The following LIMCH1 variants were observed in gnomAD, a reference collection of about 807,000 sequenced individuals.
LIMCH1 encodes the protein LIM and calponin homology domains-containing protein 1.
LIMCH1 carries 113 observed loss-of-function variants against 176.5 expected under a neutral mutation model. That is an observed-to-expected ratio of 0.64 (90% CI 0.55 to 0.75). LIMCH1 has a LOEUF of 0.75. Among genes scored for constraint, LIMCH1 ranks in the 30% least tolerant of loss-of-function variants. The probability of loss-of-function intolerance (pLI) is 0.00; values close to 1 mark genes in which losing one functional copy is unlikely to be tolerated. For missense variants in LIMCH1, 1,674 were observed against 1,814.9 expected (o/e 0.92, Z 1.41); for synonymous variants, 619 against 645.9 (o/e 0.96, Z 0.63).
chr4:41,492,371 A>G (rs1468870938), intron 1 of LIMCH1, among the ~76,000 whole-genome samples: 3 of 145,330 alleles, frequency 2.1e-5, no homozygotes, highest in Non-Finnish European at 4.5e-5. Flanking sequence ...AGTACAGTCC[A>G]GGCTCCGCAA....
intron 4 of LIMCH1, among the ~76,000 whole-genome samples, chr4:41,606,863 A>G (rs1259340992): frequency 6.6e-6 from 1 of 152,206 alleles, no homozygotes; most frequent in East Asian, 1.9e-4. Flanking sequence ...CAGTGGCGCA[A>G]TCTCAGCTGA....
At chr4:41,586,157 G>A (rs28729583) in intron 1 of LIMCH1, among the ~76,000 whole-genome samples, 50,877 of 145,138 alleles carry the variant, frequency 0.35, 14,130 homozygotes, top group African/African-American at 0.78. Context: ...CACCTAGGCT[G>A]GAGTGCAGTA....
At chr4:41,497,805 C>A (rs1391696234) in intron 2 of LIMCH1, among the ~76,000 whole-genome samples, 65 of 140,432 alleles carry the variant, frequency 4.6e-4, no homozygotes, top group African/African-American at 5.2e-4. Flanking sequence ...AACTTCGTCT[C>A]AAAAAAAAAA....
At chr4:41,667,509 A>G (rs961200429) in intron 21 of LIMCH1, among the ~76,000 whole-genome samples, 5 of 152,124 alleles carry the variant, frequency 3.3e-5, no homozygotes. Flanking sequence ...GATGTATTTT[A>G]ATGTGTTTGA....
chr4:41,626,294 T>G (rs1395736160), intron 7 of LIMCH1, among the ~76,000 whole-genome samples: 1 of 152,182 alleles, frequency 6.6e-6, no homozygotes. Flanking sequence ...CAGATCAGTT[T>G]CTTGGTGGCT....
chr4:41,585,699 G>C (rs2086316117), intron 1 of LIMCH1, among the ~76,000 whole-genome samples: 1 of 151,864 alleles, frequency 6.6e-6, no homozygotes, highest in South Asian at 2.1e-4. Context: ...ATCAACACTT[G>C]TTATTTTCTG....
chr4:41,693,663 C>T (rs1179113188), intron 31 of LIMCH1, among the ~76,000 whole-genome samples: 1 of 151,530 alleles, frequency 6.6e-6, no homozygotes, highest in Non-Finnish European at 1.5e-5. Context: ...TTTATTTAAA[C>T]TGGACTTTTG....
intron 2 of LIMCH1, among the ~76,000 whole-genome samples, chr4:41,497,389 T>C (rs1443920160): frequency 1.3e-5 from 2 of 152,178 alleles, no homozygotes; most frequent in East Asian, 1.9e-4. Flanking sequence ...TGGTTTCCCC[T>C]GACCAGCCTG....
intron 2 of LIMCH1, among the ~76,000 whole-genome samples, chr4:41,603,144 C>T (rs73135462): frequency 0.051 from 7,799 of 152,084 alleles, 672 homozygotes; most frequent in African/African-American, 0.18. Flanking sequence ...TCCCCCTCAC[C>T]GAAGTTACTG....
At chr4:41,487,184 T>C (rs1187455777) in intron 1 of LIMCH1, among the ~76,000 whole-genome samples, 1 of 152,106 alleles carries the variant, frequency 6.6e-6, no homozygotes, top group Non-Finnish European at 1.5e-5. Flanking sequence ...TAACATGAAT[T>C]GCAGGTGAAG....
At chr4:41,402,747 G>A (rs2058580915) in intron 1 of LIMCH1, among the ~76,000 whole-genome samples, 1 of 145,854 alleles carries the variant, frequency 6.9e-6, no homozygotes, top group Admixed American at 7.1e-5. Flanking sequence ...AACACCGCAT[G>A]TTCTCACTCA....
In LIMCH1 at chr4:41,676,427, G is replaced by A. The variant is rs2095221270; in HGVS notation, c.3484G>A (p.Glu1162Lys). Residue 1162 changes from glutamate to lysine, a missense_variant, in exon 23 of 32, where the codon GAA becomes AAA. Physicochemically the swap from Glu to Lys is moderately conservative, Grantham distance 56. Coordinates refer to ENST00000503057, the MANE Select transcript of LIMCH1 (RefSeq NM_001330672.2). ...CCCAGAAGAGGAGCGCAGGCGACAGGAAAAATGGCAACAGGAACAGGAACG... is the reference window on the plus strand; with the variant it reads ...CCCAGAAGAGGAGCGCAGGCGACAGAAAAAATGGCAACAGGAACAGGAACG... ...WDPEEERRRQ[E>K]KWQQEQERLL... 1 of 1,614,046 alleles carries A rather than the reference G, an allele frequency of 6.2e-7. No homozygotes were observed. Among genetic ancestry groups the A allele is most frequent in the Admixed American group, 1.7e-5 (1 of 60,026 alleles).
intron 1 of LIMCH1, among the ~76,000 whole-genome samples, chr4:41,438,350 G>A (rs1488446106): frequency 3.3e-5 from 5 of 151,944 alleles, no homozygotes; most frequent in Non-Finnish European, 5.9e-5. Context: ...TACAGTGCTT[G>A]TGCCTTTTAA....
chr4:41,489,054 T>A (rs2070249880), intron 1 of LIMCH1, among the ~76,000 whole-genome samples: 1 of 152,194 alleles, frequency 6.6e-6, no homozygotes, highest in Non-Finnish European at 1.5e-5. Flanking sequence ...GTTGACAAAG[T>A]TATTGGTACA....
Position 41,360,797 on chromosome 4 carries a change from G to T in LIMCH1, c.-44G>T. 7.0e-7 allele frequency: 1 copy of T among 1,436,670 alleles called. No individual in the cohort carries two copies. Among genetic ancestry groups the T allele is most frequent in the Non-Finnish European group, 9.3e-7 (1 of 1,070,346 alleles). 89.0% of individuals were successfully genotyped at this position (1,436,670 alleles called of 1,614,324 possible). The stretch of plus-strand genomic sequence containing the variant: ...GCGCTCCTGCGGCGGCGACGGCGGC[G>T]GCCGTCCTCATCCCGGCGCTTGAGA... On this transcript the variant is annotated 5_prime_UTR_variant, in exon 1 of 27. Coordinates refer to the LIMCH1 transcript ENST00000313860. This position sits in a 1 kb window ranked among gnomAD's most constrained non-coding sequence, Gnocchi z 4.5.
chr4:41,367,981 G>C (rs1358535746), intron 1 of LIMCH1, among the ~76,000 whole-genome samples: 28 of 151,418 alleles, frequency 1.8e-4, no homozygotes, highest in Admixed American at 1.8e-3. Flanking sequence ...TTTTTGCCAA[G>C]TATGTTCACC....
chr4:41,651,439 A>G (rs937152245), intron 18 of LIMCH1, among the ~76,000 whole-genome samples: 1 of 152,188 alleles, frequency 6.6e-6, no homozygotes, highest in Non-Finnish European at 1.5e-5. Flanking sequence ...AAGGGTTAGG[A>G]CTTCAATAAT....
chr4:41,380,767 A>T (rs1027080694), intron 1 of LIMCH1, among the ~76,000 whole-genome samples: 2 of 152,184 alleles, frequency 1.3e-5, no homozygotes, highest in Admixed American at 1.3e-4. Flanking sequence ...ATGATTATTT[A>T]TGTGGGGGTG....
intron 1 of LIMCH1, among the ~76,000 whole-genome samples, chr4:41,385,530 G>A (rs1039181476): frequency 6.6e-6 from 1 of 152,132 alleles, no homozygotes; most frequent in Non-Finnish European, 1.5e-5. Flanking sequence ...TGGGTGTTCA[G>A]TTTTGTCAGA....
Sources: allele counts gnomAD v4.1 joint callset (sites outside exome capture counted in the v4.1 genomes callset), GRCh38; gene constraint gnomAD v4.1.1; non-coding constraint Gnocchi (gnomAD v3.1); transcripts MANE v1.5; gene names NCBI Gene and HGNC (gene_info 2026-07-23, HGNC 2026-07-21).